LRRTM4: variants seen among roughly 807,000 people sequenced by gnomAD.
The protein encoded by LRRTM4 is leucine-rich repeat transmembrane neuronal protein 4.
A neutral mutation model predicts 47.6 loss-of-function variants in LRRTM4; 25 were observed. The observed-to-expected ratio is 0.53, with a 90% CI of 0.38 to 0.73. The LOEUF (loss-of-function observed/expected upper bound fraction) is 0.73. LRRTM4 is among the 30% of genes least tolerant of loss of function. The pLI, the probability that LRRTM4 is intolerant of heterozygous loss-of-function variation, is 0.00. For missense variants in LRRTM4, 638 were observed against 713.4 expected (o/e 0.89, Z 1.20); for synonymous variants, 311 against 269.5 (o/e 1.15, Z -1.51).
intron 3 of LRRTM4, among the ~76,000 whole-genome samples, chr2:77,430,708 T>C (rs1347228394): frequency 7.8e-6 from 1 of 128,806 alleles, no homozygotes; most frequent in Admixed American, 7.6e-5. Flanking sequence ...GCAACAAGAG[T>C]GAAACTCTGT....
chr2:76,923,965 G>A (rs1181418253), intron 3 of LRRTM4, among the ~76,000 whole-genome samples: 9 of 152,026 alleles, frequency 5.9e-5, no homozygotes, highest in Non-Finnish European at 7.4e-5. Context: ...TGTGGCATAG[G>A]TGTGGAGTGT....
chr2:77,275,450 A>C (rs1335964870), intron 3 of LRRTM4, among the ~76,000 whole-genome samples: 1 of 152,180 alleles, frequency 6.6e-6, no homozygotes, highest in East Asian at 1.9e-4. Context: ...AATGTTCTTG[A>C]ATATAAGTTT....
At chr2:76,802,315 A>G (rs1030613578) in intron 3 of LRRTM4, among the ~76,000 whole-genome samples, 1 of 152,034 alleles carries the variant, frequency 6.6e-6, no homozygotes, top group African/African-American at 2.4e-5. Flanking sequence ...AATCTCTAGC[A>G]TTTATATATA....
intron 3 of LRRTM4, among the ~76,000 whole-genome samples, chr2:76,937,148 A>G (rs1303525711): frequency 1.3e-5 from 2 of 152,026 alleles, no homozygotes; most frequent in Non-Finnish European, 2.9e-5. Context: ...TTATTACCCA[A>G]CTCTAAAGAG....
intron 3 of LRRTM4, among the ~76,000 whole-genome samples, chr2:77,094,753 T>C (rs1445406954): frequency 1.3e-5 from 2 of 152,164 alleles, no homozygotes; most frequent in African/African-American, 4.8e-5. Context: ...AATTGGATAC[T>C]TCGGTCACAT....
chr2:76,955,388 C>G lies in LRRTM4; in HGVS notation c.1552-206472G>C, dbSNP rs564108080. Among the ~76,000 whole-genome samples, 17 of 151,674 alleles carry G rather than the reference C, an allele frequency of 1.1e-4. No homozygotes were observed. In the South Asian group the frequency reaches 2.7e-3, roughly 24 times the overall value. On this transcript the variant is annotated intron_variant, in intron 3 of 3. Coordinates refer to ENST00000409884, the MANE Select transcript of LRRTM4 (RefSeq NM_001134745.3). ...TATGTGATTCAAGTTAAGTTGTTACCTACTTAAAACAGATTGTTACCATGA... is the reference window on the plus strand; with the variant it reads ...TATGTGATTCAAGTTAAGTTGTTACGTACTTAAAACAGATTGTTACCATGA...
At chr2:76,772,681 C>T (rs1279287393) in intron 3 of LRRTM4, among the ~76,000 whole-genome samples, 1 of 152,118 alleles carries the variant, frequency 6.6e-6, no homozygotes, top group Non-Finnish European at 1.5e-5. Flanking sequence ...GTAGTGCCCA[C>T]TTATTCACAT....
At chr2:76,959,029 C>A (rs1383192697) in intron 3 of LRRTM4, among the ~76,000 whole-genome samples, 5 of 151,612 alleles carry the variant, frequency 3.3e-5, no homozygotes, top group Non-Finnish European at 7.4e-5. Context: ...GGGCCTCCTA[C>A]CTAGAAAGCT....
chr2:76,767,963 C>A (rs78187500), intron 3 of LRRTM4, among the ~76,000 whole-genome samples: 11,897 of 152,112 alleles, frequency 0.078, 845 homozygotes, highest in East Asian at 0.31. Context: ...GGCATAAAAT[C>A]ATTTAAACAT....
chr2:76,927,746 T>C (rs1253232535), intron 3 of LRRTM4, among the ~76,000 whole-genome samples: 3 of 152,136 alleles, frequency 2.0e-5, no homozygotes, highest in Non-Finnish European at 4.4e-5. Flanking sequence ...ATGTTTGATA[T>C]TCTTCTTAAG....
intron 3 of LRRTM4, among the ~76,000 whole-genome samples, chr2:77,013,800 T>G (rs10184102): frequency 0.087 from 13,187 of 152,210 alleles, 1,317 homozygotes; most frequent in African/African-American, 0.23. Context: ...TTAAGAGTTA[T>G]ATATTTACCC....
At chr2:76,784,644 G>T (rs1173315278) in intron 3 of LRRTM4, among the ~76,000 whole-genome samples, 1 of 152,024 alleles carries the variant, frequency 6.6e-6, no homozygotes, top group African/African-American at 2.4e-5. Context: ...ATTTTGAAAT[G>T]ATCAATGTAA....
At chr2:77,480,837 GAGAGA>G (rs1677670302) in intron 3 of LRRTM4, among the ~76,000 whole-genome samples, 6 of 52,426 alleles carry the variant, frequency 1.1e-4, no homozygotes, top group East Asian at 3.3e-4. Context: ...GAGAGAGAGA[GAGAGA>G]GAGAGAGAGA....
chr2:76,883,629 A>G (rs972903197), intron 3 of LRRTM4, among the ~76,000 whole-genome samples: 18 of 152,092 alleles, frequency 1.2e-4, no homozygotes, highest in Non-Finnish European at 2.2e-4. Flanking sequence ...GCTTCTCACC[A>G]TATGCCACTC....
chr2:77,411,419 TGTTTC>T (rs1392442707), intron 3 of LRRTM4, among the ~76,000 whole-genome samples: 1 of 141,912 alleles, frequency 7.0e-6, no homozygotes, highest in East Asian at 2.5e-4. Flanking sequence ...CTCTCTTTCT[TGTTTC>T]TCTCTCTCTC....
rs1280834203 is a variant in LRRTM4 at position 77,357,301 on chromosome 2, C to G, written c.1551+161017G>C. Among the ~76,000 whole-genome samples the G allele has an allele frequency of 3.9e-5, 6 of 152,240 alleles. No homozygotes were observed. In the East Asian group the frequency reaches 1.2e-3, roughly 29 times the overall value. ...CTTACAAAAAGATGTCATTATACTG[C>G]TGCAAAATGAGTTATGATGATCCTG... is the stretch of plus-strand genomic sequence containing the variant. On this transcript the variant is annotated intron_variant, in intron 3 of 3. Transcript: ENST00000409884.
At chr2:77,447,452 C>T (rs60881379) in intron 3 of LRRTM4, among the ~76,000 whole-genome samples, 7,432 of 152,184 alleles carry the variant, frequency 0.049, 561 homozygotes, top group African/African-American at 0.17. Context: ...ACACTGATAC[C>T]TGACACATCA....
At chr2:76,815,103 G>T (rs759755082) in intron 3 of LRRTM4, among the ~76,000 whole-genome samples, 5 of 151,820 alleles carry the variant, frequency 3.3e-5, no homozygotes, top group African/African-American at 9.7e-5. Flanking sequence ...CAGGACAATT[G>T]TATCTATTAA....
At chr2:76,808,396 A>C (rs1274779505) in intron 3 of LRRTM4, among the ~76,000 whole-genome samples, 1 of 151,878 alleles carries the variant, frequency 6.6e-6, no homozygotes, top group African/African-American at 2.4e-5. Context: ...CTTTTTCACA[A>C]TAAAAATATT....
Sources: gnomAD v4.1 joint callset for allele counts (sites outside exome capture counted in the v4.1 genomes callset) on GRCh38, gnomAD v4.1.1 for gene constraint, MANE v1.5 for transcripts, NCBI Gene and HGNC (gene_info 2026-07-23, HGNC 2026-07-21) for gene names.